The following CNTN5 variants were observed in gnomAD, a reference collection of about 807,000 sequenced individuals.
The protein encoded by CNTN5 is contactin-5.
Under a neutral mutation model 129.1 loss-of-function variants are expected in CNTN5, and 77 were observed. The observed-to-expected ratio is 0.60, with a 90% CI of 0.50 to 0.72. The LOEUF (loss-of-function observed/expected upper bound fraction) is 0.72, where lower values mean the gene tolerates loss of function less well. Ranked by LOEUF, CNTN5 falls within the 30% of genes least tolerant of loss-of-function variation. CNTN5 has a pLI of 0.00. For missense variants in CNTN5, 1,478 were observed against 1,328.8 expected (o/e 1.11, Z -1.75); for synonymous variants, 509 against 465.6 (o/e 1.09, Z -1.20).
At chr11:99,839,405 A>G (rs1947407376) in intron 4 of CNTN5, among the ~76,000 whole-genome samples, 1 of 152,076 alleles carries the variant, frequency 6.6e-6, no homozygotes, top group Non-Finnish European at 1.5e-5. Context: ...TACTATGACA[A>G]GCGTTTTATA....
chr11:99,654,397 G>A (rs1042867411), intron 3 of CNTN5, among the ~76,000 whole-genome samples: 16 of 152,018 alleles, frequency 1.1e-4, no homozygotes, highest in Admixed American at 8.5e-4. Flanking sequence ...GAGGTTTAGC[G>A]TGGATGGGAT....
intron 16 of CNTN5, among the ~76,000 whole-genome samples, chr11:100,229,835 A>G (rs1339167170): frequency 6.6e-6 from 1 of 152,200 alleles, no homozygotes; most frequent in Non-Finnish European, 1.5e-5. Context: ...CAACACAAAC[A>G]TCTTTGGAGC....
intron 3 of CNTN5, among the ~76,000 whole-genome samples, chr11:99,625,206 C>G (rs1278350738): frequency 6.6e-6 from 1 of 152,106 alleles, no homozygotes; most frequent in African/African-American, 2.4e-5. Context: ...TTGTTTGTCC[C>G]AAATCCATTT....
intron 1 of CNTN5, among the ~76,000 whole-genome samples, chr11:99,239,427 TAG>T (rs1354880176): frequency 6.6e-6 from 1 of 152,228 alleles, no homozygotes; most frequent in Non-Finnish European, 1.5e-5. Context: ...CATTTTTTGA[TAG>T]AGTCATAATG....
intron 1 of CNTN5, among the ~76,000 whole-genome samples, chr11:99,183,933 T>C (rs761570773): frequency 1.1e-4 from 16 of 152,116 alleles, no homozygotes; most frequent in Non-Finnish European, 1.6e-4. Context: ...TAAACAATGT[T>C]ATCCTGTTCC....
chr11:100,133,507 AACACAGCT>A (rs1171896589), intron 13 of CNTN5, among the ~76,000 whole-genome samples: 1 of 152,176 alleles, frequency 6.6e-6, no homozygotes, highest in Non-Finnish European at 1.5e-5. Flanking sequence ...TATCTCTAGC[AACACAGCT>A]ACAAAGAAAA....
intron 2 of CNTN5, among the ~76,000 whole-genome samples, chr11:99,403,981 G>T (rs774113432): frequency 4.6e-5 from 7 of 152,078 alleles, no homozygotes; most frequent in Non-Finnish European, 8.8e-5. Flanking sequence ...CATTGTATTG[G>T]AGTCTATCTC....
intron 8 of CNTN5, among the ~76,000 whole-genome samples, chr11:99,982,765 C>T (rs367581263): frequency 3.3e-5 from 5 of 152,076 alleles, no homozygotes; most frequent in East Asian, 3.9e-4. Flanking sequence ...CTCTGCCTCC[C>T]GAGTAGGTGG....
At chr11:99,373,298 T>C (rs1314949245) in intron 2 of CNTN5, among the ~76,000 whole-genome samples, 1 of 152,090 alleles carries the variant, frequency 6.6e-6, no homozygotes, top group Admixed American at 6.5e-5. Context: ...AAGCAGAAGA[T>C]AAGAGAAGAA....
intron 2 of CNTN5, among the ~76,000 whole-genome samples, chr11:99,407,009 C>A (rs12294481): frequency 6.6e-6 from 1 of 151,920 alleles, no homozygotes; most frequent in African/African-American, 2.4e-5. Context: ...GTCCTAGAAT[C>A]GGGAACCCCA....
At chr11:99,039,954 TG>T (rs1360777156) in intron 1 of CNTN5, among the ~76,000 whole-genome samples, 2 of 152,184 alleles carry the variant, frequency 1.3e-5, no homozygotes, top group African/African-American at 2.4e-5. Flanking sequence ...GTTTTTAATT[TG>T]TTCAGTAATT....
At chr11:99,629,639 C>T (rs1951264701) in intron 3 of CNTN5, among the ~76,000 whole-genome samples, 1 of 150,172 alleles carries the variant, frequency 6.7e-6, no homozygotes, top group South Asian at 2.1e-4. Flanking sequence ...AAAAAATTAA[C>T]AATTGATGTA....
chr11:99,287,546 A>G (rs987087423), intron 1 of CNTN5, among the ~76,000 whole-genome samples: 9 of 152,218 alleles, frequency 5.9e-5, no homozygotes, highest in Admixed American at 4.6e-4. Context: ...TACTGTCCCA[A>G]TAATCTTTTC....
intron 3 of CNTN5, among the ~76,000 whole-genome samples, chr11:99,693,398 T>C (rs375137525): frequency 6.6e-6 from 1 of 152,204 alleles, no homozygotes; most frequent in South Asian, 2.1e-4. Context: ...GAAATTATGA[T>C]ACATAGTACA....
At chr11:99,524,008 T>C (rs1947390773) in intron 2 of CNTN5, among the ~76,000 whole-genome samples, 1 of 152,016 alleles carries the variant, frequency 6.6e-6, no homozygotes. Flanking sequence ...AAGGACTTTC[T>C]TTTTTTTCTG....
intron 9 of CNTN5, among the ~76,000 whole-genome samples, chr11:100,038,318 C>T (rs1942152624): frequency 6.6e-6 from 1 of 152,184 alleles, no homozygotes. Context: ...TTTGATTGCA[C>T]TATGGTCTGA....
At chr11:99,080,421 C>T (rs371807999) in intron 1 of CNTN5, among the ~76,000 whole-genome samples, 23 of 152,232 alleles carry the variant, frequency 1.5e-4, no homozygotes, top group African/African-American at 4.3e-4. Context: ...TTCCCACGTT[C>T]GTTCCATTTT....
intron 1 of CNTN5, among the ~76,000 whole-genome samples, chr11:99,229,527 A>AT (rs2135724138): frequency 1.9e-5 from 1 of 53,574 alleles, no homozygotes; most frequent in South Asian, 1.2e-3. Context: ...ACAATTTTAG[A>AT]CAAAAAAAAA....
chr11:99,447,789 G>T (rs1043302267), intron 2 of CNTN5, among the ~76,000 whole-genome samples: 7 of 152,126 alleles, frequency 4.6e-5, no homozygotes, highest in Non-Finnish European at 5.9e-5. Flanking sequence ...GCTGGGTGTC[G>T]TGGTGGGTTC....
Sources: allele counts gnomAD v4.1 joint callset (sites outside exome capture counted in the v4.1 genomes callset), GRCh38; gene constraint gnomAD v4.1.1; transcripts MANE v1.5; gene names NCBI Gene and HGNC (gene_info 2026-07-23, HGNC 2026-07-21).